Variants in SLC25A21 observed in about 807,000 individuals in gnomAD.
The protein encoded by SLC25A21 is mitochondrial 2-oxodicarboxylate carrier.
A neutral mutation model predicts 43.8 loss-of-function variants in SLC25A21; 47 were observed. The ratio of observed to expected loss-of-function variants is 1.07; its 90% CI spans 0.85 to 1.37. The LOEUF is 1.37. Among genes scored for constraint, SLC25A21 ranks in the 40% most tolerant of loss-of-function variants. The pLI, the probability that SLC25A21 is intolerant of heterozygous loss-of-function variation, is 0.00. For missense variants in SLC25A21, 352 were observed against 350.2 expected (o/e 1.00, Z -0.04); for synonymous variants, 131 against 121.3 (o/e 1.08, Z -0.52).
At chr14:36,787,596 C>A (rs894641661) in intron 3 of SLC25A21, among the ~76,000 whole-genome samples, 1 of 152,026 alleles carries the variant, frequency 6.6e-6, no homozygotes, top group Non-Finnish European at 1.5e-5. Context: ...TTATATTAAA[C>A]ACAATTCATT....
At chr14:37,063,792 T>A (rs1015002092) in intron 1 of SLC25A21, among the ~76,000 whole-genome samples, 1 of 152,162 alleles carries the variant, frequency 6.6e-6, no homozygotes, top group Non-Finnish European at 1.5e-5. Flanking sequence ...CCAAAAGATG[T>A]TGGCCTTGCC....
Position 36,897,900 on chromosome 14 carries a change from G to A in SLC25A21, c.71-22896C>T, listed in dbSNP as rs147589188. On this transcript the variant is annotated intron_variant, in intron 1 of 9. Transcript: ENST00000331299. ...GCCTGATCGTTCCTCTGGAAGTTTT[G>A]TCTCAGAGGAGTACCTGGCCGTGTG... Among the ~76,000 whole-genome samples the A allele has an allele frequency of 2.6e-5, 4 of 152,260 alleles. No homozygotes were observed. The East Asian group carries it at 7.7e-4, about 29-fold the overall frequency.
chr14:37,169,080 G>A (rs185095592), intron 1 of SLC25A21, among the ~76,000 whole-genome samples: 11 of 152,164 alleles, frequency 7.2e-5, no homozygotes, highest in Non-Finnish European at 1.5e-4. Context: ...ATAAAACTAC[G>A]TGGCTGTGGT....
intron 1 of SLC25A21, among the ~76,000 whole-genome samples, chr14:37,062,661 G>A (rs187532685): frequency 7.6e-4 from 115 of 152,220 alleles, no homozygotes; most frequent in African/African-American, 2.7e-3. Context: ...GCTTGTCAGG[G>A]TGAACACTAA....
rs11625234 is a variant in SLC25A21 at position 37,033,564 on chromosome 14, T to C, written c.70+138717A>G. The stretch of plus-strand genomic sequence containing the variant: ...CATCCTCCAGGGCCTAGAAGAAACT[T>C]AGCACACCTAGTGAAAATCAGTCTA... On this transcript the variant is annotated intron_variant, in intron 1 of 9. Coordinates refer to ENST00000331299, the MANE Select transcript of SLC25A21 (RefSeq NM_030631.4). 5.6e-3 allele frequency among the ~76,000 whole-genome samples: 851 copies of C among 152,350 alleles called. 7 individuals carry two copies. Among genetic ancestry groups the C allele is most frequent in the African/African-American group, 0.015 (611 of 41,594 alleles).
intron 3 of SLC25A21, among the ~76,000 whole-genome samples, chr14:36,745,075 T>C (rs758351970): frequency 6.7e-5 from 10 of 148,206 alleles, no homozygotes; most frequent in African/African-American, 1.5e-4. Flanking sequence ...CTCCCACTTA[T>C]GGGTGAGAAT....
intron 2 of SLC25A21, among the ~76,000 whole-genome samples, chr14:36,826,805 C>T (rs1888849723): frequency 6.6e-6 from 1 of 152,194 alleles, no homozygotes; most frequent in South Asian, 2.1e-4. Flanking sequence ...GTCATACGGC[C>T]TCCATTTTCC....
At chr14:37,034,168 C>G (rs1385706054) in intron 1 of SLC25A21, among the ~76,000 whole-genome samples, 2 of 152,036 alleles carry the variant, frequency 1.3e-5, no homozygotes, top group Non-Finnish European at 2.9e-5. Flanking sequence ...AGATGCCTGC[C>G]ACTACGCCCA....
intron 6 of SLC25A21, 114 bp from the exon 7 acceptor site, chr14:36,711,596 A>G: frequency 1.7e-6 from 2 of 1,187,918 alleles, no homozygotes; most frequent in Non-Finnish European, 2.3e-6. Context: ...TTTCCCCCAG[A>G]TATGAATAAT....
intron 7 of SLC25A21, among the ~76,000 whole-genome samples, chr14:36,707,173 C>A (rs1883609050): frequency 6.6e-6 from 1 of 152,150 alleles, no homozygotes; most frequent in African/African-American, 2.4e-5. Context: ...ATTTGCTGTC[C>A]CTTGCTAATT....
At chr14:36,798,555 T>C (rs1045403134) in intron 3 of SLC25A21, among the ~76,000 whole-genome samples, 1 of 113,374 alleles carries the variant, frequency 8.8e-6, no homozygotes, top group Non-Finnish European at 1.9e-5. Flanking sequence ...CAGAGCTGGG[T>C]TTTTTTTTTT....
intron 2 of SLC25A21, among the ~76,000 whole-genome samples, chr14:36,831,209 G>T (rs114402694): frequency 8.5e-4 from 130 of 152,144 alleles, no homozygotes; most frequent in African/African-American, 3.0e-3. Flanking sequence ...CTTAGGAAAT[G>T]GATTTATTTC....
intron 1 of SLC25A21, among the ~76,000 whole-genome samples, chr14:36,934,777 A>G (rs186641345): frequency 6.6e-6 from 1 of 152,120 alleles, no homozygotes; most frequent in African/African-American, 2.4e-5. Flanking sequence ...AACTTTTTAT[A>G]TGTTGGTGTC....
chr14:36,876,402 G>T (rs1890525459), intron 1 of SLC25A21, among the ~76,000 whole-genome samples: 1 of 152,172 alleles, frequency 6.6e-6, no homozygotes, highest in Admixed American at 6.6e-5. Context: ...CAATATGGAT[G>T]ATGTTTGTGC....
intron 3 of SLC25A21, among the ~76,000 whole-genome samples, chr14:36,802,879 G>A (rs1465004097): frequency 6.6e-6 from 1 of 152,180 alleles, no homozygotes; most frequent in Non-Finnish European, 1.5e-5. Context: ...ATGATAGTGG[G>A]TGAGATAAAG....
At chr14:36,794,538 T>C (rs1594594224) in intron 3 of SLC25A21, among the ~76,000 whole-genome samples, 1 of 152,026 alleles carries the variant, frequency 6.6e-6, no homozygotes, top group Non-Finnish European at 1.5e-5. Flanking sequence ...GAGGCCAAGG[T>C]GGGCGGATCA....
At chr14:36,903,403 G>A (rs1438245440) in intron 1 of SLC25A21, among the ~76,000 whole-genome samples, 1 of 151,932 alleles carries the variant, frequency 6.6e-6, no homozygotes, top group East Asian at 1.9e-4. Context: ...CTTGAGGTCA[G>A]GAGTTCGAGA....
intron 3 of SLC25A21, among the ~76,000 whole-genome samples, chr14:36,796,419 C>CT (rs1028163180): frequency 1.6e-3 from 245 of 149,792 alleles, no homozygotes; most frequent in African/African-American, 5.1e-3. Flanking sequence ...CTCTCTCTTT[C>CT]TTTTTTTTTA....
chr14:36,759,071 T>C (rs1886043700), intron 3 of SLC25A21, among the ~76,000 whole-genome samples: 1 of 152,156 alleles, frequency 6.6e-6, no homozygotes, highest in African/African-American at 2.4e-5. Context: ...TTGCCCACAC[T>C]GGGAGAGAAC....
Sources: gnomAD v4.1 joint callset for allele counts (sites outside exome capture counted in the v4.1 genomes callset) on GRCh38, gnomAD v4.1.1 for gene constraint, MANE v1.5 for transcripts, NCBI Gene and HGNC (gene_info 2026-07-23, HGNC 2026-07-21) for gene names.